The following CRELD2 variants were observed in gnomAD, a reference collection of about 807,000 sequenced individuals.
The protein encoded by CRELD2 is protein disulfide isomerase CRELD2.
CRELD2 carries 33 observed loss-of-function variants against 48.1 expected under a neutral mutation model. That is an observed-to-expected ratio of 0.69 (90% CI 0.52 to 0.92). CRELD2 has a LOEUF of 0.92. Among genes scored for constraint, CRELD2 ranks in the 40% least tolerant of loss-of-function variants. The probability of loss-of-function intolerance (pLI) is 0.00; values close to 1 mark genes in which losing one functional copy is unlikely to be tolerated. For missense variants in CRELD2, 477 were observed against 482.4 expected (o/e 0.99, Z 0.10); for synonymous variants, 220 against 203.9 (o/e 1.08, Z -0.67).
chr22:49,921,396 C>T, intron 4 of CRELD2, 189 bp from the exon 5 acceptor site: 1 of 627,028 alleles, frequency 1.6e-6, no homozygotes, highest in Non-Finnish European at 2.7e-6. Flanking sequence ...GCTTGCTCCA[C>T]TCAGGCGATC....
At chr22:49,925,603 C>T (rs775409262) in intron 9 of CRELD2, 46 bp downstream of exon 9, 10 of 1,608,762 alleles carry the variant, frequency 6.2e-6, no homozygotes, top group Admixed American at 3.3e-5. Flanking sequence ...TCCCCTGGGC[C>T]GCAGGGCTTG....
At chr22:49,923,338 T>A in intron 7 of CRELD2, 21 bp downstream of exon 7, 1 of 1,603,632 alleles carries the variant, frequency 6.2e-7, no homozygotes, top group Non-Finnish European at 8.5e-7. Context: ...CGGGCGGGTC[T>A]GCACTCCGGG....
rs757618839 is a variant in CRELD2 at position 49,919,262 on chromosome 22, C to T, written c.162C>T (p.Gly54=). 6.2e-7 allele frequency: 1 copy of T among 1,613,738 alleles called. No individual in the cohort carries two copies. Among genetic ancestry groups the T allele is most frequent in the Non-Finnish European group, 8.5e-7 (1 of 1,179,990 alleles). Residue 54 remains glycine, a synonymous_variant, in exon 2 of 10, where the codon GGC becomes GGT. Coordinates refer to ENST00000328268, the MANE Select transcript of CRELD2 (RefSeq NM_024324.5). ...GMVDTAKKNF[G]GGNTAWEEKT... ...TGGACACCGCAAAGAAGAACTTTGGCGGCGGGAACACGGCTTGGGAGGAAA... is the reference window on the plus strand; with the variant it reads ...TGGACACCGCAAAGAAGAACTTTGGTGGCGGGAACACGGCTTGGGAGGAAA...
chr22:49,925,841 C>T (rs1185313228), intron 9 of CRELD2: 18 of 954,580 alleles, frequency 1.9e-5, no homozygotes, highest in Non-Finnish European at 2.5e-5. Flanking sequence ...AGCAGAGGAG[C>T]AGACGCAGGA....
intron 8 of CRELD2, 32 bp from the exon 9 acceptor site, chr22:49,925,385 G>A: frequency 7.1e-7 from 1 of 1,408,434 alleles, no homozygotes; most frequent in Non-Finnish European, 1.0e-6. Context: ...GCTGAGCAAA[G>A]TAATTATTAA....
chr22:49,922,875 GC>G (rs2060712742), intron 6 of CRELD2, among the ~76,000 whole-genome samples, 168 bp downstream of exon 6: 2 of 108,054 alleles, frequency 1.9e-5, no homozygotes, highest in East Asian at 3.5e-4. Context: ...GGTGTGGGGG[GC>G]GTGAGGTGTG....
At chr22:49,926,439 G>GT (rs2060764709) in intron 9 of CRELD2, 1 of 152,290 alleles carries the variant, frequency 6.6e-6, no homozygotes. Context: ...TCCAGAAGCT[G>GT]TTTCCTGAGC....
chr22:49,927,349 G>C lies in CRELD2; in HGVS notation c.*42G>C, dbSNP rs374692314. On this transcript the variant is annotated 3_prime_UTR_variant, in exon 10 of 10. Coordinates refer to ENST00000328268, the MANE Select transcript of CRELD2 (RefSeq NM_024324.5). ...TTTAAATTATTCAGAAGGATGTCCC[G>C]TGGAAAATGTGGCCCTGAGGATGCC... 1.1e-5 allele frequency: 17 copies of C among 1,555,128 alleles called. No individual in the cohort carries two copies. Among genetic ancestry groups the C allele is most frequent in the Non-Finnish European group, 1.5e-5 (17 of 1,127,768 alleles).
intron 5 of CRELD2, chr22:49,922,218 C>G: frequency 1.4e-6 from 2 of 1,473,592 alleles, no homozygotes; most frequent in Non-Finnish European, 9.1e-7. Context: ...TGGCCGGCAG[C>G]CCCTAGGCTA....
intron 1 of CRELD2, 106 bp downstream of exon 1, chr22:49,919,004 C>A: frequency 9.7e-7 from 1 of 1,033,444 alleles, no homozygotes; most frequent in Non-Finnish European, 1.4e-6. Flanking sequence ...ACCCTGGATC[C>A]GGGGTCCCCC....
intron 5 of CRELD2, 84 bp downstream of exon 5, chr22:49,921,845 AG>A: frequency 7.1e-7 from 1 of 1,399,538 alleles, no homozygotes. Context: ...AGATGGGAAC[AG>A]GGGCCTGTTG....
intron 7 of CRELD2, chr22:49,923,985 C>G (rs1041291516): frequency 2.2e-5 from 5 of 229,172 alleles, no homozygotes; most frequent in African/African-American, 1.2e-4. Flanking sequence ...GACAGTGGGT[C>G]CCTCAGTGAG....
chr22:49,925,228 G>A, intron 8 of CRELD2, 189 bp from the exon 9 acceptor site: 1 of 507,412 alleles, frequency 2.0e-6, no homozygotes, highest in Non-Finnish European at 3.5e-6. Context: ...TCTACCAGTT[G>A]AGGGCCCAAC....
chr22:49,920,289 C>A, intron 4 of CRELD2, 42 bp downstream of exon 4: 1 of 1,321,342 alleles, frequency 7.6e-7, no homozygotes, highest in Non-Finnish European at 1.1e-6. Flanking sequence ...TACGTCACTT[C>A]CCCTCTTCTT....
intron 1 of CRELD2, 77 bp downstream of exon 1, chr22:49,918,975 T>A: frequency 8.1e-7 from 1 of 1,235,666 alleles, no homozygotes; most frequent in Non-Finnish European, 1.1e-6. Context: ...CGCCCCACCT[T>A]GGGCCCAGGG....
intron 9 of CRELD2, chr22:49,926,472 C>T (rs889550496): frequency 6.6e-6 from 1 of 152,314 alleles, no homozygotes; most frequent in Non-Finnish European, 1.5e-5. Context: ...AGCAATTCCA[C>T]ATCTAGAAGC....
chr22:49,923,176 TC>T, intron 6 of CRELD2, 57 bp from the exon 7 acceptor site: 3 of 1,396,304 alleles, frequency 2.1e-6, no homozygotes, highest in Non-Finnish European at 2.9e-6. Flanking sequence ...GATCGGTCCT[TC>T]CCCGCTCCCT....
At chr22:49,925,723 C>G in intron 9 of CRELD2, 166 bp downstream of exon 9, 1 of 1,437,054 alleles carries the variant, frequency 7.0e-7, no homozygotes, top group Non-Finnish European at 9.1e-7. Flanking sequence ...GGCACGCTTG[C>G]GCGAGAGGTA....
chr22:49,924,699 G>A (rs918253045), intron 8 of CRELD2: 100 of 323,488 alleles, frequency 3.1e-4, no homozygotes, highest in Non-Finnish European at 8.1e-5. Flanking sequence ...GCCTCTCGCC[G>A]GTGGCCTCGT....
Sources: allele counts gnomAD v4.1 joint callset (sites outside exome capture counted in the v4.1 genomes callset), GRCh38; gene constraint gnomAD v4.1.1; transcripts MANE v1.5; gene names NCBI Gene and HGNC (gene_info 2026-07-23, HGNC 2026-07-21).